The following SHISA9 variants were observed in gnomAD, a reference collection of about 807,000 sequenced individuals.
The protein encoded by SHISA9 is shisa family member 9, also known as protein shisa-9.
A neutral mutation model predicts 38.0 loss-of-function variants in SHISA9; 13 were observed. The ratio of observed to expected loss-of-function variants is 0.34; its 90% CI spans 0.22 to 0.54. SHISA9 has a LOEUF of 0.54. Among genes scored for constraint, SHISA9 ranks in the 20% least tolerant of loss-of-function variants. SHISA9 has a pLI of 0.91. For synonymous variants in SHISA9, 275 were observed against 242.0 expected (o/e 1.14, Z -1.27); for missense variants, 538 against 575.8 (o/e 0.93, Z 0.67).
the SHISA9 span, among the ~76,000 whole-genome samples, chr16:13,512,334 AACCACTGATC>A: frequency 6.6e-6 from 1 of 152,090 alleles, no homozygotes; most frequent in Admixed American, 6.6e-5. Context: ...GAAAACTACA[AACCACTGATC>A]AAGGAACTAA....
At chr16:13,426,185 C>T in the SHISA9 span, among the ~76,000 whole-genome samples, 3 of 152,014 alleles carry the variant, frequency 2.0e-5, no homozygotes, top group Non-Finnish European at 2.9e-5. Context: ...TAATAGCTGC[C>T]GTTTATTGGG....
At chr16:13,147,461 CTTTTTTTTTTT>C (rs55972023) in intron 2 of SHISA9, among the ~76,000 whole-genome samples, 1 of 65,084 alleles carries the variant, frequency 1.5e-5, no homozygotes, top group African/African-American at 5.5e-5. Context: ...GTAAACTGAG[CTTTTTTTTTTT>C]TTTTTTTTTT....
chr16:13,252,659 C>A, the SHISA9 span, among the ~76,000 whole-genome samples: 2 of 152,276 alleles, frequency 1.3e-5, no homozygotes, highest in South Asian at 4.2e-4. Flanking sequence ...CTATTATTTT[C>A]TTATTGCATT....
chr16:13,180,590 TG>T (rs897992986), intron 2 of SHISA9, among the ~76,000 whole-genome samples: 39 of 152,202 alleles, frequency 2.6e-4, no homozygotes, highest in African/African-American at 9.4e-4. Flanking sequence ...CTCAGCTACT[TG>T]GGAGGCTGAG....
Position 12,912,258 on chromosome 16 carries a change from A to AC in SHISA9, c.564-4429dup, listed in dbSNP as rs1235497113. On this transcript the variant is annotated intron_variant, in intron 1 of 4. Transcript: ENST00000558583. Reference sequence around the variant, plus strand: ...CCTAAAGACTCTTCATTTCTGCCGCACACTCTAGGAAGGGCTGCCCTGGGG... The same window carrying AC: ...CCTAAAGACTCTTCATTTCTGCCGCACCACTCTAGGAAGGGCTGCCCTGGGG... Among the ~76,000 whole-genome samples, 5 of 152,178 alleles carry AC rather than the reference A, an allele frequency of 3.3e-5. No homozygotes were observed. In the East Asian group the frequency reaches 9.6e-4, roughly 29 times the overall value.
chr16:13,290,481 G>A, the SHISA9 span, among the ~76,000 whole-genome samples: 2 of 151,994 alleles, frequency 1.3e-5, no homozygotes, highest in Admixed American at 6.6e-5. Context: ...CTGCACTAGG[G>A]AGCGTGGTAT....
intron 2 of SHISA9, among the ~76,000 whole-genome samples, chr16:13,064,173 T>G (rs936147276): frequency 6.6e-6 from 1 of 152,186 alleles, no homozygotes; most frequent in Non-Finnish European, 1.5e-5. Context: ...CAGAGTGTAT[T>G]TTGACTCAAC....
the SHISA9 span, among the ~76,000 whole-genome samples, chr16:13,340,404 G>T: frequency 3.3e-5 from 5 of 152,140 alleles, no homozygotes; most frequent in African/African-American, 1.2e-4. Flanking sequence ...TGCATTAGTT[G>T]GGGTATACTG....
the SHISA9 span, among the ~76,000 whole-genome samples, chr16:13,285,052 A>G: frequency 6.6e-6 from 1 of 151,970 alleles, no homozygotes; most frequent in Non-Finnish European, 1.5e-5. Flanking sequence ...GGTTTTTGGT[A>G]TTCATGGATA....
intron 2 of SHISA9, among the ~76,000 whole-genome samples, chr16:12,966,724 C>T (rs1328806621): frequency 1.3e-5 from 2 of 152,160 alleles, no homozygotes; most frequent in East Asian, 1.9e-4. Flanking sequence ...AGCACAGTGC[C>T]TGGCACAGAG....
chr16:12,940,421 C>G (rs557154394), intron 2 of SHISA9, among the ~76,000 whole-genome samples: 15 of 147,152 alleles, frequency 1.0e-4, no homozygotes, highest in African/African-American at 3.5e-4. Context: ...TCCTAGTCCC[C>G]CCATAAATGA....
At chr16:13,096,906 C>T (rs554039788) in intron 2 of SHISA9, among the ~76,000 whole-genome samples, 62 of 151,806 alleles carry the variant, frequency 4.1e-4, no homozygotes, top group South Asian at 1.2e-3. Context: ...CATTCTCTGA[C>T]GCCTATTTTA....
chr16:13,378,692 G>A, the SHISA9 span, among the ~76,000 whole-genome samples: 1 of 152,184 alleles, frequency 6.6e-6, no homozygotes, highest in African/African-American at 2.4e-5. Context: ...AAGGGTTTGG[G>A]CTATTTAATG....
the SHISA9 span, among the ~76,000 whole-genome samples, chr16:13,413,272 C>A: frequency 6.6e-6 from 1 of 152,216 alleles, no homozygotes; most frequent in African/African-American, 2.4e-5. Context: ...CAGCCTGTCA[C>A]TAAATTTAAC....
chr16:12,997,410 G>GTT (rs34930368), intron 2 of SHISA9, among the ~76,000 whole-genome samples: 196 of 134,046 alleles, frequency 1.5e-3, no homozygotes, highest in South Asian at 5.1e-3. Context: ...GCTTAACCTA[G>GTT]TTTTTTTTTT....
At chr16:13,364,738 G>C in the SHISA9 span, among the ~76,000 whole-genome samples, 1 of 152,168 alleles carries the variant, frequency 6.6e-6, no homozygotes, top group Non-Finnish European at 1.5e-5. Flanking sequence ...GGTTTCCCTG[G>C]ACGATAATCA....
At chr16:13,002,047 G>A (rs2072532504) in intron 2 of SHISA9, among the ~76,000 whole-genome samples, 1 of 152,074 alleles carries the variant, frequency 6.6e-6, no homozygotes, top group South Asian at 2.1e-4. Context: ...GATTTAATTG[G>A]CCTGGAATAG....
At position 13,124,938 on chromosome 16, in the gene SHISA9, C is replaced by T. The variant is rs148222662; in HGVS notation, c.692-78456C>T. The stretch of plus-strand genomic sequence containing the variant: ...CATATGCAGCAGAATGAAATGAATC[C>T]CTCTCTCTCACCATATACCAAAATC... On this transcript the variant is annotated intron_variant, in intron 2 of 4. Coordinates refer to ENST00000558583, the MANE Select transcript of SHISA9 (RefSeq NM_001145204.3). Among the ~76,000 whole-genome samples, 5 of 151,190 alleles carry T rather than the reference C, an allele frequency of 3.3e-5. No homozygotes were observed. In the East Asian group the frequency reaches 9.7e-4, roughly 29 times the overall value.
chr16:13,522,648 A>G, the SHISA9 span, among the ~76,000 whole-genome samples: 181 of 152,308 alleles, frequency 1.2e-3, no homozygotes, highest in Admixed American at 2.2e-3. Flanking sequence ...TTTGAAAGCC[A>G]TATTAACCTG....
Sources: gnomAD v4.1 joint callset for allele counts (sites outside exome capture counted in the v4.1 genomes callset) on GRCh38, gnomAD v4.1.1 for gene constraint, MANE v1.5 for transcripts, NCBI Gene and HGNC (gene_info 2026-07-23, HGNC 2026-07-21) for gene names.